CDC73: variants seen among roughly 807,000 people sequenced by gnomAD.
CDC73 encodes the protein cell division cycle 73.
CDC73 carries 21 observed loss-of-function variants against 83.7 expected under a neutral mutation model. That is an observed-to-expected ratio of 0.25 (90% CI 0.18 to 0.36). The LOEUF is 0.36. Among genes scored for constraint, CDC73 ranks in the 10% least tolerant of loss-of-function variants. The pLI is 1.00. For synonymous variants in CDC73, 224 were observed against 212.9 expected (o/e 1.05, Z -0.45); for missense variants, 342 against 653.3 (o/e 0.52, Z 5.19).
intron 10 of CDC73, among the ~76,000 whole-genome samples, chr1:193,153,112 T>C (rs906494940): frequency 1.1e-4 from 17 of 152,152 alleles, no homozygotes; most frequent in African/African-American, 3.9e-4. Flanking sequence ...AAGAGATGGA[T>C]TATAGTGATT....
At chr1:193,222,681 C>A (rs374600508) in intron 13 of CDC73, among the ~76,000 whole-genome samples, 74 of 150,000 alleles carry the variant, frequency 4.9e-4, no homozygotes, top group African/African-American at 1.7e-3. Context: ...TGGAATTTGT[C>A]AGAATTAAAT....
In CDC73 at chr1:193,188,523, T is replaced by G. The variant is rs569976809; in HGVS notation, c.973-15272T>G. Among the ~76,000 whole-genome samples, 92 of 152,280 alleles carry G rather than the reference T, an allele frequency of 6.0e-4. 1 individual carries two copies. The highest frequency in any genetic ancestry group is 2.1e-3 in the African/African-American group (87 of 41,564). ...AATAAATGAATGTTTATATTTTCAC[T>G]TTTTCAACAGGTACATATTGATTAA... On this transcript the variant is annotated intron_variant, in intron 10 of 16. Coordinates refer to ENST00000367435, the MANE Select transcript of CDC73 (RefSeq NM_024529.5).
intron 13 of CDC73, 139 bp from the exon 14 acceptor site, chr1:193,232,854 G>C (rs1324726171): frequency 3.6e-5 from 24 of 662,892 alleles, no homozygotes; most frequent in Non-Finnish European, 5.7e-5. Flanking sequence ...AGTGAGCCAA[G>C]ATTGCACCAC....
rs764176607 is a variant in CDC73, at chr1:193,181,472, G to C, written c.973-22323G>C. On this transcript the variant is annotated intron_variant, in intron 10 of 16. Coordinates refer to ENST00000367435, the MANE Select transcript of CDC73 (RefSeq NM_024529.5). ...ATAGCAAAAAGAAACACTAGAGAAAGTACTCCAATAAGATGAGTGCGGAAC... is the reference window on the plus strand; with the variant it reads ...ATAGCAAAAAGAAACACTAGAGAAACTACTCCAATAAGATGAGTGCGGAAC... 2.5e-6 allele frequency: 4 copies of C among 1,614,030 alleles called. No homozygotes were observed. In the South Asian group the frequency reaches 4.4e-5, roughly 18 times the overall value.
chr1:193,124,963 A>G (rs1675537777), intron 1 of CDC73, 149 bp from the exon 2 acceptor site: 1 of 653,122 alleles, frequency 1.5e-6, no homozygotes, highest in Non-Finnish European at 2.8e-6. Context: ...TGTGATCATG[A>G]CAGTCTATTC....
rs528868493 is a variant in CDC73, at chr1:193,182,754, T to A, written c.973-21041T>A. Among the ~76,000 whole-genome samples, 114 of 152,250 alleles carry A rather than the reference T, an allele frequency of 7.5e-4. 5 individuals are homozygous for A. The South Asian group carries it at 0.023, about 30-fold the overall frequency. ...AGCACAGATTTGTTCACATTTGTTCTTAGTGTTTTTGTTGTTGTTTTTAGT... is the reference window on the plus strand; with the variant it reads ...AGCACAGATTTGTTCACATTTGTTCATAGTGTTTTTGTTGTTGTTTTTAGT... On this transcript the variant is annotated intron_variant, in intron 10 of 16. Transcript: ENST00000367435.
rs771225207 is a variant in CDC73, at chr1:193,181,586, T to A, written c.973-22209T>A. The A allele has an allele frequency of 3.9e-6, 6 of 1,534,722 alleles. No homozygotes were observed. The South Asian group carries it at 7.8e-5, about 20-fold the overall frequency. ...ATGTTGTAAATATCCAGTAGTGGTA[T>A]ATGAGAGATTGGTGACCAAAAATGT... On this transcript the variant is annotated intron_variant, in intron 10 of 16. Transcript: ENST00000367435.
chr1:193,193,725 T>C (rs771975525), intron 10 of CDC73, among the ~76,000 whole-genome samples: 9 of 152,020 alleles, frequency 5.9e-5, no homozygotes, highest in Non-Finnish European at 1.3e-4. Context: ...TCACAGAATT[T>C]ATTACTGTCT....
chr1:193,213,347 G>A (rs1011684962), intron 13 of CDC73, among the ~76,000 whole-genome samples: 6 of 138,510 alleles, frequency 4.3e-5, no homozygotes, highest in African/African-American at 1.7e-4. Context: ...ACACAGTGTT[G>A]CAAATTTTTT....
intron 13 of CDC73, among the ~76,000 whole-genome samples, chr1:193,230,212 G>A (rs1677637457): frequency 6.8e-6 from 1 of 146,020 alleles, no homozygotes; most frequent in Non-Finnish European, 1.5e-5. Context: ...GCAGTGGTGT[G>A]ATCTCGGCTT....
intron 13 of CDC73, among the ~76,000 whole-genome samples, chr1:193,228,059 T>C (rs956625492): frequency 1.3e-5 from 2 of 152,224 alleles, no homozygotes; most frequent in African/African-American, 4.8e-5. Flanking sequence ...TGCTGTAATA[T>C]ATAGCACTTT....
At chr1:193,168,326 C>A (rs1676466259) in intron 10 of CDC73, among the ~76,000 whole-genome samples, 1 of 152,136 alleles carries the variant, frequency 6.6e-6, no homozygotes, top group Non-Finnish European at 1.5e-5. Context: ...TGTGTGCCTG[C>A]TGTATGCTAG....
chr1:193,152,349 A>T (rs992612407), intron 9 of CDC73, 31 bp from the exon 10 acceptor site: 1 of 1,461,644 alleles, frequency 6.8e-7, no homozygotes, highest in Admixed American at 1.7e-5. Flanking sequence ...GATCTATAAA[A>T]TCTTAACAAT....
intron 10 of CDC73, among the ~76,000 whole-genome samples, chr1:193,199,361 C>T (rs1416645806): frequency 1.3e-5 from 2 of 151,934 alleles, no homozygotes; most frequent in African/African-American, 4.8e-5. Context: ...AAGTTTGAGA[C>T]CAACTTGTGC....
chr1:193,132,895 ATTTTT>A (rs781435930), intron 3 of CDC73, among the ~76,000 whole-genome samples: 4 of 113,192 alleles, frequency 3.5e-5, no homozygotes, highest in Admixed American at 9.5e-5. Context: ...TTTCCTGTAG[ATTTTT>A]TTTTTTTTTT....
At chr1:193,150,181 G>T (rs542271563) in intron 8 of CDC73, 123 bp from the exon 9 acceptor site, 6 of 705,014 alleles carry the variant, frequency 8.5e-6, no homozygotes, top group Middle Eastern at 3.0e-4. Context: ...TGAGGTGGGA[G>T]GATCACTTGG....
chr1:193,167,861 T>C (rs1390619129), intron 10 of CDC73, among the ~76,000 whole-genome samples: 2 of 152,022 alleles, frequency 1.3e-5, no homozygotes, highest in Non-Finnish European at 2.9e-5. Flanking sequence ...TTTTCTTGTG[T>C]TTTTTTGTTG....
At chr1:193,230,735 G>A (rs1011360133) in intron 13 of CDC73, among the ~76,000 whole-genome samples, 8 of 152,142 alleles carry the variant, frequency 5.3e-5, no homozygotes, top group Admixed American at 2.0e-4. Context: ...CACAATCATT[G>A]TGTCTTAGAT....
At chr1:193,245,432 A>G (rs1197148730) in intron 15 of CDC73, among the ~76,000 whole-genome samples, 4 of 151,936 alleles carry the variant, frequency 2.6e-5, no homozygotes, top group Non-Finnish European at 4.4e-5. Context: ...ATTTCCATCT[A>G]TGTTGCCACA....
Sources: gnomAD v4.1 joint callset for allele counts (sites outside exome capture counted in the v4.1 genomes callset) on GRCh38, gnomAD v4.1.1 for gene constraint, MANE v1.5 for transcripts, NCBI Gene and HGNC (gene_info 2026-07-23, HGNC 2026-07-21) for gene names.